Variants in ARAP2 observed in about 807,000 individuals in gnomAD.
The protein encoded by ARAP2 is arf-GAP with Rho-GAP domain, ANK repeat and PH domain-containing protein 2.
In ARAP2, 148 loss-of-function variants were observed where a neutral mutation model predicts 194.5. That is an observed-to-expected ratio of 0.76 (90% CI 0.67 to 0.87). ARAP2 has a LOEUF of 0.87. ARAP2 is among the 40% of genes least tolerant of loss of function. The pLI is 0.00. For synonymous variants in ARAP2, 695 were observed against 683.5 expected (o/e 1.02, Z -0.26); for missense variants, 2,128 against 1,989.7 (o/e 1.07, Z -1.32).
intron 5 of ARAP2, among the ~76,000 whole-genome samples, chr4:36,045,781 C>T (rs1002313171): frequency 6.6e-6 from 1 of 152,082 alleles, no homozygotes; most frequent in African/African-American, 2.4e-5. Context: ...AAAACATATA[C>T]ATGCATCATA....
Position 36,229,209 on chromosome 4 carries a change from T to G in ARAP2, c.278A>C (p.Tyr93Ser), listed in dbSNP as rs1226818908. The change falls in exon 2 of 33, where the codon TAC (tyrosine) becomes TCC (serine). Residue 93 changes from tyrosine to serine, a missense_variant. Coordinates refer to ENST00000303965, the MANE Select transcript of ARAP2 (RefSeq NM_015230.4). Reference sequence around the variant, plus strand: ...ATTCTGATCAGAAGATGGAACATGGTAATCCTTTGAAGGGTCATCATTCTT... The same window carrying G: ...ATTCTGATCAGAAGATGGAACATGGGAATCCTTTGAAGGGTCATCATTCTT... ...TKKNDDPSKD[Y>S]HVPSSDQNIC... is the part of the protein sequence containing the mutation. 6.2e-7 allele frequency: 1 copy of G among 1,614,156 alleles called. No homozygotes were observed. The highest frequency in any genetic ancestry group is 1.3e-5 in the African/African-American group (1 of 75,068).
At chr4:36,117,973 C>T (rs376268974) in intron 24 of ARAP2, among the ~76,000 whole-genome samples, 1 of 151,334 alleles carries the variant, frequency 6.6e-6, no homozygotes, top group Non-Finnish European at 1.5e-5. Context: ...CAATTAGAAA[C>T]AGTATCACCT....
At chr4:36,069,937 C>T (rs75083564) in intron 32 of ARAP2, among the ~76,000 whole-genome samples, 1 of 151,896 alleles carries the variant, frequency 6.6e-6, no homozygotes, top group South Asian at 2.1e-4. Context: ...ACCTTTCCCC[C>T]CTCTCTCTCT....
At chr4:36,076,158 TGCTCA>T (rs1424067229) in intron 31 of ARAP2, among the ~76,000 whole-genome samples, 1 of 152,182 alleles carries the variant, frequency 6.6e-6, no homozygotes, top group Non-Finnish European at 1.5e-5. Flanking sequence ...TATCTATAAT[TGCTCA>T]GCTCAATGGG....
intron 3 of ARAP2, among the ~76,000 whole-genome samples, chr4:36,050,443 C>T (rs886580840): frequency 6.6e-6 from 1 of 152,072 alleles, no homozygotes; most frequent in African/African-American, 2.4e-5. Context: ...CCTAGAAAAA[C>T]GTATTACACT....
chr4:36,089,541 C>T (rs1191612681), intron 28 of ARAP2, among the ~76,000 whole-genome samples: 1 of 151,862 alleles, frequency 6.6e-6, no homozygotes, highest in Non-Finnish European at 1.5e-5. Flanking sequence ...GTGATTTTAC[C>T]CTTCCACCAA....
At chr4:36,165,875 G>A (rs1343475638) in intron 10 of ARAP2, among the ~76,000 whole-genome samples, 1 of 152,012 alleles carries the variant, frequency 6.6e-6, no homozygotes, top group Non-Finnish European at 1.5e-5. Flanking sequence ...GTTGTAAAGA[G>A]GAACATGCTT....
chr4:36,237,442 A>T (rs1752659318), intron 1 of ARAP2, among the ~76,000 whole-genome samples: 1 of 151,938 alleles, frequency 6.6e-6, no homozygotes, highest in African/African-American at 2.4e-5. Context: ...GCAGGAGGGG[A>T]CCTCGCAGTG....
chr4:36,243,625 G>A (rs1754011297), intron 1 of ARAP2: 1 of 152,134 alleles, frequency 6.6e-6, no homozygotes, highest in Non-Finnish European at 1.5e-5. Context: ...AAATAGGATG[G>A]ACACCACTTC....
At chr4:36,125,010 T>C in intron 21 of ARAP2, 43 bp from the exon 22 acceptor site, 1 of 1,275,192 alleles carries the variant, frequency 7.8e-7, no homozygotes, top group Admixed American at 1.7e-5. Context: ...AAACTAATTA[T>C]CTATGTTATG....
chr4:36,180,996 G>T (rs771111185), intron 8 of ARAP2, among the ~76,000 whole-genome samples: 3 of 152,168 alleles, frequency 2.0e-5, no homozygotes, highest in Non-Finnish European at 4.4e-5. Context: ...GAGATATGGG[G>T]GAATATGCTT....
chr4:36,146,969 A>C (rs867132990), intron 19 of ARAP2, among the ~76,000 whole-genome samples: 1 of 152,098 alleles, frequency 6.6e-6, no homozygotes, highest in African/African-American at 2.4e-5. Flanking sequence ...TATAGTCATC[A>C]TATTCTTACA....
At chr4:36,058,379 C>A (rs1458186585) in intron 1 of ARAP2, among the ~76,000 whole-genome samples, 1 of 152,174 alleles carries the variant, frequency 6.6e-6, no homozygotes, top group Non-Finnish European at 1.5e-5. Context: ...AACAAGACTG[C>A]AAAAGCTCTG....
chr4:36,071,866 A>T (rs942490210), intron 32 of ARAP2, among the ~76,000 whole-genome samples: 3 of 148,820 alleles, frequency 2.0e-5, no homozygotes, highest in African/African-American at 7.4e-5. Context: ...CCACCCCAAC[A>T]CAGTCCCCAG....
chr4:36,103,147 T>C (rs1717469907), intron 27 of ARAP2, among the ~76,000 whole-genome samples: 1 of 151,800 alleles, frequency 6.6e-6, no homozygotes, highest in African/African-American at 2.4e-5. Context: ...TTGAAGCAGT[T>C]GCATTTTGAA....
intron 5 of ARAP2, among the ~76,000 whole-genome samples, chr4:36,021,311 A>G (rs1419193067): frequency 6.6e-6 from 1 of 152,224 alleles, no homozygotes; most frequent in Non-Finnish European, 1.5e-5. Flanking sequence ...ATCATAGGAT[A>G]TAATATGATT....
chr4:36,229,700 T>C, intron 1 of ARAP2, 55 bp from the exon 2 acceptor site: 1 of 387,792 alleles, frequency 2.6e-6, no homozygotes, highest in South Asian at 6.1e-5. Flanking sequence ...AAAATCTACT[T>C]TTATATACTT....
In ARAP2 at chr4:36,059,931, A is replaced by G. The variant is rs991514560; in HGVS notation, n.148-1788T>C. ...AAAAGGCTGAATAAAGAAGGTTCAAAGAAAGAATGAGAGGTTAAAAAGAGA... is the reference window on the plus strand; with the variant it reads ...AAAAGGCTGAATAAAGAAGGTTCAAGGAAAGAATGAGAGGTTAAAAAGAGA... On this transcript the variant is annotated intron_variant and non_coding_transcript_variant, in intron 1 of 12. Coordinates refer to the ARAP2 transcript ENST00000503225. 4.6e-5 allele frequency among the ~76,000 whole-genome samples: 7 copies of G among 152,288 alleles called. No homozygotes were observed. The East Asian group carries it at 1.2e-3, about 25-fold the overall frequency.
At chr4:36,019,654 AAAG>A (rs1380995151) in intron 5 of ARAP2, among the ~76,000 whole-genome samples, 1 of 137,574 alleles carries the variant, frequency 7.3e-6, no homozygotes, top group Non-Finnish European at 1.5e-5. Flanking sequence ...TGAAAAGAAG[AAAG>A]AAGACAGTCA....
Sources: gnomAD v4.1 joint callset for allele counts (sites outside exome capture counted in the v4.1 genomes callset) on GRCh38, gnomAD v4.1.1 for gene constraint, MANE v1.5 for transcripts, NCBI Gene and HGNC (gene_info 2026-07-23, HGNC 2026-07-21) for gene names.